PKIB: variants seen among roughly 807,000 people sequenced by gnomAD.
PKIB encodes the protein cAMP-dependent protein kinase inhibitor beta.
PKIB carries 2 observed loss-of-function variants against 4.5 expected under a neutral mutation model. The observed-to-expected ratio is 0.44, with a 90% CI of 0.18 to 1.39. PKIB has a LOEUF of 1.39. PKIB is among the 40% of genes most tolerant of loss of function. PKIB has a pLI of 0.27. For missense variants in PKIB, 94 were observed against 92.6 expected (o/e 1.02, Z -0.06); for synonymous variants, 38 against 36.0 (o/e 1.06, Z -0.20).
At chr6:122,636,465 A>G (rs984704646) in intron 2 of PKIB, among the ~76,000 whole-genome samples, 2 of 152,192 alleles carry the variant, frequency 1.3e-5, no homozygotes, top group East Asian at 1.9e-4. Flanking sequence ...TTATATAGCT[A>G]TGAATAAACT....
intron 2 of PKIB, among the ~76,000 whole-genome samples, chr6:122,497,563 G>A (rs1776111320): frequency 6.6e-6 from 1 of 152,004 alleles, no homozygotes; most frequent in African/African-American, 2.4e-5. Flanking sequence ...GAGATCAGGG[G>A]TCATTATTCT....
intron 3 of PKIB, among the ~76,000 whole-genome samples, chr6:122,681,232 T>A (rs1045582554): frequency 6.6e-6 from 1 of 152,200 alleles, no homozygotes; most frequent in African/African-American, 2.4e-5. Context: ...TAATGTTTTT[T>A]CTCATCCATT....
intron 3 of PKIB, among the ~76,000 whole-genome samples, chr6:122,595,420 G>T (rs771189099): frequency 6.6e-6 from 1 of 152,182 alleles, no homozygotes; most frequent in Non-Finnish European, 1.5e-5. Flanking sequence ...TTAGCCATAA[G>T]GTGAGTGCCT....
At chr6:122,698,065 T>C (rs1188500327) in intron 3 of PKIB, among the ~76,000 whole-genome samples, 1 of 152,166 alleles carries the variant, frequency 6.6e-6, no homozygotes, top group Non-Finnish European at 1.5e-5. Flanking sequence ...GTCTAGAGTG[T>C]GCCAATTGTG....
At chr6:122,570,579 A>G (rs1325101536) in intron 2 of PKIB, among the ~76,000 whole-genome samples, 1 of 152,176 alleles carries the variant, frequency 6.6e-6, no homozygotes, top group Non-Finnish European at 1.5e-5. Context: ...CATGAACATA[A>G]CTACTACAAC....
At chr6:122,641,833 G>A (rs1207034156) in intron 2 of PKIB, among the ~76,000 whole-genome samples, 1 of 152,126 alleles carries the variant, frequency 6.6e-6, no homozygotes, top group African/African-American at 2.4e-5. Flanking sequence ...AGCTGGGACT[G>A]CAGGCACATG....
chr6:122,534,833 A>T (rs1317023273), intron 2 of PKIB, among the ~76,000 whole-genome samples: 1 of 152,126 alleles, frequency 6.6e-6, no homozygotes, highest in Non-Finnish European at 1.5e-5. Context: ...GTAACTTTGA[A>T]TTAAAAGTAT....
At chr6:122,553,668 A>G (rs1278218030) in intron 2 of PKIB, among the ~76,000 whole-genome samples, 1 of 151,810 alleles carries the variant, frequency 6.6e-6, no homozygotes, top group Non-Finnish European at 1.5e-5. Context: ...TTTGTTATAT[A>G]TTAAGAACTC....
At chr6:122,539,206 T>A (rs1777508035) in intron 2 of PKIB, among the ~76,000 whole-genome samples, 1 of 152,072 alleles carries the variant, frequency 6.6e-6, no homozygotes, top group Non-Finnish European at 1.5e-5. Context: ...TGGCCAGAAC[T>A]TCCAACACTA....
chr6:122,491,628 A>G (rs1259672459), intron 2 of PKIB, among the ~76,000 whole-genome samples: 1 of 152,188 alleles, frequency 6.6e-6, no homozygotes, highest in Non-Finnish European at 1.5e-5. Context: ...ATGTCTGCAG[A>G]TAGCACTCCT....
intron 1 of PKIB, among the ~76,000 whole-genome samples, chr6:122,474,038 C>T (rs545350324): frequency 6.6e-6 from 1 of 152,300 alleles, no homozygotes; most frequent in Non-Finnish European, 1.5e-5. Flanking sequence ...GAGGCTGAGG[C>T]TGGAGAATTG....
chr6:122,520,170 A>G (rs1169513420), intron 2 of PKIB, among the ~76,000 whole-genome samples: 2 of 152,156 alleles, frequency 1.3e-5, no homozygotes, highest in African/African-American at 4.8e-5. Flanking sequence ...TGTACTTGCT[A>G]TATTATGTTG....
intron 2 of PKIB, among the ~76,000 whole-genome samples, chr6:122,520,046 T>C (rs1776888147): frequency 6.6e-6 from 1 of 152,222 alleles, no homozygotes; most frequent in Admixed American, 6.5e-5. Flanking sequence ...TCCAGTTATG[T>C]TATAGTTATC....
chr6:122,504,102 C>T (rs999426998), intron 2 of PKIB, among the ~76,000 whole-genome samples: 3 of 151,848 alleles, frequency 2.0e-5, no homozygotes, highest in Non-Finnish European at 2.9e-5. Context: ...GTGTTCTGGG[C>T]CTATGTTTGT....
chr6:122,513,428 T>C (rs1776647919), intron 2 of PKIB, among the ~76,000 whole-genome samples: 1 of 152,174 alleles, frequency 6.6e-6, no homozygotes, highest in African/African-American at 2.4e-5. Context: ...AACGACTAAA[T>C]TGCTGGATAA....
upstream of PKIB, chr6:122,610,289 G>A (rs1296258930): frequency 6.6e-6 from 1 of 152,268 alleles, no homozygotes; most frequent in Admixed American, 6.5e-5. Flanking sequence ...GGTTTGCACG[G>A]AGAGCGGGAC....
intron 3 of PKIB, chr6:122,701,345 C>A: frequency 1.0e-6 from 1 of 994,546 alleles, no homozygotes; most frequent in Non-Finnish European, 1.5e-6. Flanking sequence ...AGTCACCAGG[C>A]TAGACATGGT....
intron 1 of PKIB, among the ~76,000 whole-genome samples, chr6:122,622,200 G>T (rs532173412): frequency 3.3e-5 from 5 of 152,060 alleles, no homozygotes; most frequent in Non-Finnish European, 5.9e-5. Flanking sequence ...CTTAAATTAT[G>T]TTTTTCCCCA....
chr6:122,546,748 A>C (rs1772505154), intron 2 of PKIB, among the ~76,000 whole-genome samples: 1 of 152,100 alleles, frequency 6.6e-6, no homozygotes, highest in Non-Finnish European at 1.5e-5. Context: ...GAGTAGACAA[A>C]TATTATTTTT....
Sources: allele counts gnomAD v4.1 joint callset (sites outside exome capture counted in the v4.1 genomes callset), GRCh38; gene constraint gnomAD v4.1.1; transcripts MANE v1.5; gene names NCBI Gene and HGNC (gene_info 2026-07-23, HGNC 2026-07-21).